S100A8: variants seen among roughly 807,000 people sequenced by gnomAD.
S100A8 encodes S100 calcium binding protein A8.
In S100A8, 1 loss-of-function variant was observed where a neutral mutation model predicts 4.2. That is an observed-to-expected ratio of 0.24 (90% CI 0.08 to 1.12). The LOEUF (loss-of-function observed/expected upper bound fraction) is 1.12. S100A8 is among the 50% of genes most tolerant of loss of function. The pLI is 0.53. For missense variants in S100A8, 96 were observed against 111.8 expected (o/e 0.86, Z 0.64); for synonymous variants, 41 against 44.7 (o/e 0.92, Z 0.33).
chr1:153,403,654 C>T, the S100A8 span, among the ~76,000 whole-genome samples: 1 of 152,082 alleles, frequency 6.6e-6, no homozygotes, highest in Admixed American at 6.5e-5. Flanking sequence ...TCAATTAGGA[C>T]TATGTTTAAA....
chr1:153,394,642 G>C (rs1362523459), upstream of S100A8, among the ~76,000 whole-genome samples: 2 of 152,196 alleles, frequency 1.3e-5, no homozygotes, highest in Non-Finnish European at 2.9e-5. Context: ...AAGGAATGGA[G>C]GGCCCAGCTA....
chr1:153,403,126 G>A, the S100A8 span, among the ~76,000 whole-genome samples: 44 of 152,318 alleles, frequency 2.9e-4, no homozygotes, highest in Middle Eastern at 3.4e-3. Flanking sequence ...GGAAAGTAAA[G>A]TCATAAAGCC....
Position 153,390,557 on chromosome 1 carries a change from C to T in S100A8, c.-22G>A. 6.2e-7 allele frequency: 1 copy of T among 1,613,814 alleles called. No individual in the cohort carries two copies. Among genetic ancestry groups the T allele is most frequent in the Non-Finnish European group, 8.5e-7 (1 of 1,179,810 alleles). Reference sequence around the variant, plus strand: ...ACATGATGCCCACGGACTTGCCCCACCTGAAAAACAGAACCTTCTGGGGAA... The same window carrying T: ...ACATGATGCCCACGGACTTGCCCCATCTGAAAAACAGAACCTTCTGGGGAA... On this transcript the variant is annotated splice_region_variant and 5_prime_UTR_variant, in exon 2 of 3. In the 5' UTR this introduces an upstream ATG that the reference lacks. Transcript: ENST00000368733.
At position 153,390,997 on chromosome 1, in the gene S100A8, A is replaced by C. The variant is rs73018463; in HGVS notation, c.-23+44T>G. On this transcript the variant is annotated intron_variant, in intron 1 of 2. Coordinates refer to ENST00000368733, the MANE Select transcript of S100A8 (RefSeq NM_002964.5). ...TGCTCCACTTCCCTGACCCTCCCCA[A>C]GAGAAGCCCAAAGTGCGGGGCCAAC... 531 of 990,072 alleles carry C rather than the reference A, an allele frequency of 5.4e-4. 2 individuals carry two copies. In the African/African-American group the frequency reaches 8.7e-3, roughly 16 times the overall value. 61.3% of individuals were successfully genotyped at this position (990,072 alleles called of 1,614,324 possible).
rs1264700742 is a variant in S100A8, at chr1:153,390,386, C to T, written c.141+9G>A. On this transcript the variant is annotated intron_variant, in intron 2 of 2. Transcript: ENST00000368733. ...CAGAGAGCCCCCGCCACACCCAGCC[C>T]CTCCTCACCCTGATATACTGAGGAC... 1 of 1,613,924 alleles carries T rather than the reference C, an allele frequency of 6.2e-7. No individual in the cohort carries two copies. Among genetic ancestry groups the T allele is most frequent in the East Asian group, 2.2e-5 (1 of 44,876 alleles).
chr1:153,413,484 ACT>A, the S100A8 span, among the ~76,000 whole-genome samples: 1 of 151,942 alleles, frequency 6.6e-6, no homozygotes, highest in Non-Finnish European at 1.5e-5. Context: ...TTATCTGACG[ACT>A]CTGTTGAGTT....
chr1:153,414,329 A>G, the S100A8 span, among the ~76,000 whole-genome samples: 1 of 152,252 alleles, frequency 6.6e-6, no homozygotes, highest in Admixed American at 6.5e-5. Flanking sequence ...GATAAGCCAC[A>G]GACTGGGAGA....
the S100A8 span, chr1:153,419,350 T>TA: frequency 2.5e-6 from 4 of 1,584,632 alleles, no homozygotes; most frequent in Non-Finnish European, 1.7e-6. Flanking sequence ...CCAGGAACAA[T>TA]AAGTGTCTCC....
chr1:153,410,115 G>C, the S100A8 span, among the ~76,000 whole-genome samples: 11 of 152,210 alleles, frequency 7.2e-5, no homozygotes, highest in African/African-American at 2.6e-4. Context: ...CAGAAGGCAA[G>C]AAATAACTAA....
chr1:153,408,054 G>A, the S100A8 span, among the ~76,000 whole-genome samples: 1,863 of 152,310 alleles, frequency 0.012, 41 homozygotes, highest in African/African-American at 0.042. Context: ...CTAAAAATCA[G>A]AGCACCTCTT....
chr1:153,401,647 G>A, the S100A8 span, among the ~76,000 whole-genome samples: 597 of 152,224 alleles, frequency 3.9e-3, 4 homozygotes, highest in African/African-American at 0.013. Flanking sequence ...TGAGAAAGGA[G>A]GTTACCCGAA....
chr1:153,391,614 T>C (rs1662100239), upstream of S100A8, among the ~76,000 whole-genome samples: 2 of 152,152 alleles, frequency 1.3e-5, no homozygotes, highest in African/African-American at 4.8e-5. Context: ...ACTATCGTTG[T>C]TGTTCTTTTG....
At chr1:153,418,126 A>T in the S100A8 span, 1 of 1,614,176 alleles carries the variant, frequency 6.2e-7, no homozygotes, top group Non-Finnish European at 8.5e-7. Context: ...GGCATGATCG[A>T]CATGTTTCAC....
chr1:153,398,089 A>G, the S100A8 span, among the ~76,000 whole-genome samples: 1 of 152,196 alleles, frequency 6.6e-6, no homozygotes, highest in Admixed American at 6.5e-5. Context: ...AAGTGACTGA[A>G]GAAGAGCCTT....
At chr1:153,409,565 T>C in the S100A8 span, among the ~76,000 whole-genome samples, 1 of 152,176 alleles carries the variant, frequency 6.6e-6, no homozygotes, top group African/African-American at 2.4e-5. Flanking sequence ...ATTAGACAGA[T>C]CAATAAGACA....
the S100A8 span, among the ~76,000 whole-genome samples, chr1:153,416,108 T>C: frequency 6.6e-6 from 1 of 152,170 alleles, no homozygotes; most frequent in African/African-American, 2.4e-5. Flanking sequence ...AAACGCTCAG[T>C]AAGCGGTGGG....
At chr1:153,392,617 A>T (rs995204130), upstream of S100A8, among the ~76,000 whole-genome samples, 2 of 152,146 alleles carry the variant, frequency 1.3e-5, no homozygotes, top group African/African-American at 4.8e-5. Flanking sequence ...GATGAAGAAA[A>T]TGTTTTGTGG....
At chr1:153,390,704 G>T in intron 1 of S100A8, 147 bp from the exon 2 acceptor site, 1 of 951,114 alleles carries the variant, frequency 1.1e-6, no homozygotes, top group Non-Finnish European at 1.6e-6. Flanking sequence ...TATGGCTCTG[G>T]TGGGAAGGGT....
the S100A8 span, among the ~76,000 whole-genome samples, chr1:153,407,735 A>G: frequency 6.6e-6 from 1 of 152,130 alleles, no homozygotes; most frequent in African/African-American, 2.4e-5. Context: ...GCCAACTGAC[A>G]CCTCATACAG....
Sources: gnomAD v4.1 joint callset for allele counts (sites outside exome capture counted in the v4.1 genomes callset) on GRCh38, gnomAD v4.1.1 for gene constraint, MANE v1.5 for transcripts, NCBI Gene and HGNC (gene_info 2026-07-23, HGNC 2026-07-21) for gene names.